SH2B2: variants seen among roughly 807,000 people sequenced by gnomAD.
The protein encoded by SH2B2 is SH2B adaptor protein 2.
In SH2B2, 37 loss-of-function variants were observed where a neutral mutation model predicts 35.7. The observed-to-expected ratio is 1.04, with a 90% CI of 0.80 to 1.36. SH2B2 has a LOEUF of 1.36. SH2B2 is among the 40% of genes most tolerant of loss of function. SH2B2 has a pLI of 0.00. For synonymous variants in SH2B2, 383 were observed against 376.4 expected, an observed-to-expected ratio of 1.02 and a Z score of -0.20; for missense variants, 852 against 817.7, an observed-to-expected ratio of 1.04 and a Z score of -0.51.
At chr7:102,286,672 A>T (rs1792456387), upstream of SH2B2, among the ~76,000 whole-genome samples, 1 of 150,458 alleles carries the variant, frequency 6.6e-6, no homozygotes. Context: ...TCGGCACCGC[A>T]GCTGCGGGGA....
chr7:102,317,181 C>T lies in SH2B2; in HGVS notation c.1187-6C>T, dbSNP rs1793867693. The T allele has an allele frequency of 1.3e-6, 2 of 1,586,848 alleles. No homozygotes were observed. Among genetic ancestry groups the T allele is most frequent in the African/African-American group, 2.7e-5 (2 of 74,400 alleles). On this transcript the variant is annotated splice_region_variant and splice_polypyrimidine_tract_variant and intron_variant, in intron 6 of 8. Coordinates refer to ENST00000444095, the MANE Select transcript of SH2B2 (RefSeq NM_001359228.2). ...CATGTTCCTCACACTGTCATCCCCA[C>T]CTCAGGGGAACAGGGTGCAGAGACG...
Position 102,317,197 on chromosome 7 carries a change from TGCAGAGACGGATCCCGAG to T in SH2B2, c.1200_1217del (p.Thr402_Glu407del). ...TCATCCCCACCTCAGGGGAACAGGG[TGCAGAGACGGATCCCGAG>T]GCTGAACCCGAGCTGGAGCTATCCG... On this transcript the variant is annotated inframe_deletion, in exon 7 of 9. Coordinates refer to ENST00000444095, the MANE Select transcript of SH2B2 (RefSeq NM_001359228.2). 1 of 1,600,932 alleles carries T rather than the reference TGCAGAGACGGATCCCGAG, an allele frequency of 6.2e-7. No homozygotes were observed. The highest frequency in any genetic ancestry group is 8.5e-7 in the Non-Finnish European group (1 of 1,173,812).
intron 1 of SH2B2, among the ~76,000 whole-genome samples, chr7:102,291,213 C>T (rs1792658955): frequency 6.6e-6 from 1 of 152,234 alleles, no homozygotes; most frequent in South Asian, 2.1e-4. Flanking sequence ...ACGCCGGTGC[C>T]AGCAGGGCTT....
chr7:102,318,765 G>T (rs1793953181), intron 7 of SH2B2, among the ~76,000 whole-genome samples: 1 of 152,190 alleles, frequency 6.6e-6, no homozygotes, highest in Non-Finnish European at 1.5e-5. Context: ...CATGCAGGAG[G>T]TAGCACCTCC....
intron 4 of SH2B2, 167 bp downstream of exon 4, chr7:102,309,073 C>T (rs1378166754): frequency 2.8e-6 from 2 of 715,274 alleles, no homozygotes; most frequent in Admixed American, 2.0e-5. Flanking sequence ...TAAAATACCC[C>T]CTACCTCCAA....
intron 4 of SH2B2, among the ~76,000 whole-genome samples, chr7:102,312,710 T>TG (rs1793672014): frequency 1.3e-5 from 2 of 152,222 alleles, no homozygotes; most frequent in South Asian, 4.1e-4. Flanking sequence ...TACTTTTTTT[T>TG]TCTGCTCCGT....
intron 1 of SH2B2, among the ~76,000 whole-genome samples, chr7:102,291,282 C>T (rs1162055320): frequency 1.3e-5 from 2 of 152,192 alleles, no homozygotes; most frequent in African/African-American, 2.4e-5. Context: ...CCCACCCTCC[C>T]GTGGCGGTGG....
At chr7:102,294,751 G>A (rs1554552307) in intron 1 of SH2B2, among the ~76,000 whole-genome samples, 2 of 152,124 alleles carry the variant, frequency 1.3e-5, no homozygotes, top group Admixed American at 6.5e-5. Flanking sequence ...CCATGTCCGG[G>A]CCTCCCTCTC....
In SH2B2 at chr7:102,317,305, G is replaced by GC. The variant is rs781953796; in HGVS notation, c.1309dup (p.Arg437ProfsTer12). On this transcript the variant is annotated frameshift_variant, in exon 7 of 9. Transcript: ENST00000444095. LOFTEE classifies it high-confidence loss of function. ...CTGCTCAACTGGTTCTGGCAGGGGG[G>GC]CCCCGGAACCACGGCCTCTTCGTGA... The GC allele has an allele frequency of 1.9e-6, 3 of 1,613,338 alleles. No homozygotes were observed. Among genetic ancestry groups the GC allele is most frequent in the Non-Finnish European group, 2.5e-6 (3 of 1,179,438 alleles).
At chr7:102,310,309 G>A (rs1241897849) in intron 4 of SH2B2, among the ~76,000 whole-genome samples, 6 of 152,134 alleles carry the variant, frequency 3.9e-5, no homozygotes, top group African/African-American at 1.4e-4. Flanking sequence ...GAGCAAGACT[G>A]TCTCAAAATA....
chr7:102,301,571 TGTGTGTGTGTGC>T lies in SH2B2; in HGVS notation c.729+294_729+305del, dbSNP rs1175442951. Among the ~76,000 whole-genome samples the T allele has an allele frequency of 2.0e-5, 3 of 151,660 alleles. No homozygotes were observed. The East Asian group carries it at 5.8e-4, about 30-fold the overall frequency. ...GTGTGTGTGTGTCCGTGTGTGTGTG[TGTGTGTGTGTGC>T]GCGCGCGTGTGTGTGTGTCCCTCTG... On this transcript the variant is annotated intron_variant, in intron 2 of 8. Coordinates refer to ENST00000444095, the MANE Select transcript of SH2B2 (RefSeq NM_001359228.2).
chr7:102,293,684 C>T (rs1554552164), intron 1 of SH2B2, among the ~76,000 whole-genome samples: 1 of 151,834 alleles, frequency 6.6e-6, no homozygotes, highest in Non-Finnish European at 1.5e-5. Context: ...AGGCAACCCC[C>T]TACCTGTCCC....
At chr7:102,301,679 C>G (rs1260546720) in intron 2 of SH2B2, among the ~76,000 whole-genome samples, 1 of 151,974 alleles carries the variant, frequency 6.6e-6, no homozygotes, top group African/African-American at 2.4e-5. Context: ...TCAAGGGATT[C>G]TCCTGCCTCA....
Position 102,299,197 on chromosome 7 carries a change from C to CTTTTTTTTTTTTTTT in SH2B2, c.-29-1320_-29-1306dup. 6.9e-4 allele frequency among the ~76,000 whole-genome samples: 17 copies of CTTTTTTTTTTTTTTT among 24,630 alleles called. 3 individuals are homozygous for CTTTTTTTTTTTTTTT. The highest frequency in any genetic ancestry group is 1.2e-3 in the African/African-American group (6 of 5,122). 16.2% of individuals were successfully genotyped at this position (24,630 alleles called of 152,430 possible). On this transcript the variant is annotated intron_variant, in intron 1 of 8. Transcript: ENST00000444095. ...TACAGGCATGAGCCACCGCGCCTGG[C>CTTTTTTTTTTTTTTT]TTTTTTTTTTTTTTTTTTTGAGGTG...
intron 6 of SH2B2, 35 bp from the exon 7 acceptor site, chr7:102,317,152 C>G (rs782613440): frequency 1.3e-6 from 2 of 1,503,760 alleles, no homozygotes. Flanking sequence ...TTTCTCCTTC[C>G]CCCCATGTTC....
intron 4 of SH2B2, 47 bp from the exon 5 acceptor site, chr7:102,314,289 G>A (rs1793732479): frequency 1.8e-5 from 7 of 398,546 alleles, no homozygotes; most frequent in Non-Finnish European, 3.1e-5. Context: ...TGTGGTCCGA[G>A]TCCAAGTCCC....
intron 4 of SH2B2, among the ~76,000 whole-genome samples, chr7:102,310,135 G>T (rs1324144524): frequency 6.6e-6 from 1 of 152,054 alleles, no homozygotes; most frequent in Admixed American, 6.6e-5. Flanking sequence ...GGCCAACATG[G>T]TGAAAACCCA....
chr7:102,314,757 G>A, intron 6 of SH2B2, 75 bp downstream of exon 6: 1 of 398,652 alleles, frequency 2.5e-6, no homozygotes, highest in Non-Finnish European at 4.4e-6. Context: ...CCACCCATGG[G>A]CTCCCTAAAC....
At chr7:102,308,750 A>G (rs1793498701) in intron 3 of SH2B2, 65 bp from the exon 4 acceptor site, 5 of 1,193,042 alleles carry the variant, frequency 4.2e-6, no homozygotes, top group Non-Finnish European at 3.8e-6. Context: ...CTCTGACCCT[A>G]TGTCCTGTGG....
Sources: gnomAD v4.1 joint callset for allele counts (sites outside exome capture counted in the v4.1 genomes callset) on GRCh38, gnomAD v4.1.1 for gene constraint, MANE v1.5 for transcripts, NCBI Gene and HGNC (gene_info 2026-07-23, HGNC 2026-07-21) for gene names.